Variants in SH3KBP1 observed in about 807,000 individuals in gnomAD.
The protein encoded by SH3KBP1 is SH3 domain containing kinase binding protein 1.
In SH3KBP1, 8 loss-of-function variants were observed where a neutral mutation model predicts 50.1. The ratio of observed to expected loss-of-function variants is 0.16; its 90% CI spans 0.09 to 0.29. SH3KBP1 has a LOEUF of 0.29. Ranked by LOEUF, SH3KBP1 falls within the 10% of genes least tolerant of loss-of-function variation. SH3KBP1 has a pLI of 1.00. For synonymous variants in SH3KBP1, 227 were observed against 218.6 expected, an observed-to-expected ratio of 1.04 and a Z score of -0.34; for missense variants, 377 against 535.2, an observed-to-expected ratio of 0.70 and a Z score of 2.92.
At chrX:19,565,167 T>C (rs1473409618) in intron 13 of SH3KBP1, among the ~76,000 whole-genome samples, 2 of 104,157 alleles carry the variant, frequency 1.9e-5, no homozygotes, top group African/African-American at 7.2e-5. Context: ...GTTCAAGCGA[T>C]TCTCCTGCCT....
intron 2 of SH3KBP1, among the ~76,000 whole-genome samples, chrX:19,811,129 A>C (rs746697882): frequency 8.9e-6 from 1 of 111,810 alleles, no homozygotes; most frequent in African/African-American, 3.2e-5. Flanking sequence ...CCGGGGGAGA[A>C]AAAAACTTGT....
chrX:19,841,929 C>T (rs1206294213), intron 1 of SH3KBP1, among the ~76,000 whole-genome samples: 1 of 98,222 alleles, frequency 1.0e-5, no homozygotes, highest in East Asian at 3.2e-4. Flanking sequence ...TGGGGGGGGG[C>T]TCTTTTTTTC....
intron 11 of SH3KBP1, among the ~76,000 whole-genome samples, chrX:19,591,558 G>T: frequency 9.0e-6 from 1 of 111,683 alleles, no homozygotes; most frequent in Admixed American, 9.4e-5. Flanking sequence ...CAACATCCTT[G>T]ACCAAGGACT....
intron 2 of SH3KBP1, among the ~76,000 whole-genome samples, chrX:19,804,890 C>A (rs867887895): frequency 2.9e-4 from 24 of 83,022 alleles, no homozygotes; most frequent in South Asian, 2.1e-3. Flanking sequence ...CTACCCCCCC[C>A]CCCCCACCCG....
Position 19,592,052 on chromosome X carries a change from G to C in SH3KBP1, c.1138+15C>G. ...CTGCTGTTCTGGAAGTGCCAATGAA[G>C]AATTGATTTCATACCTTTTTCTTCT... On this transcript the variant is annotated intron_variant, in intron 11 of 17. Coordinates refer to ENST00000397821, the MANE Select transcript of SH3KBP1 (RefSeq NM_031892.3). 1 of 1,174,191 alleles carries C rather than the reference G, an allele frequency of 8.5e-7. No homozygotes were observed. The highest frequency in any genetic ancestry group is 1.2e-6 in the Non-Finnish European group (1 of 861,871).
chrX:19,873,022 G>A, intron 1 of SH3KBP1, among the ~76,000 whole-genome samples: 1 of 109,128 alleles, frequency 9.2e-6, no homozygotes, highest in East Asian at 2.9e-4. Flanking sequence ...GGCCAGTCCA[G>A]TCATTTGGGC....
chrX:19,631,037 C>A (rs1224050799), intron 8 of SH3KBP1, among the ~76,000 whole-genome samples: 1 of 111,524 alleles, frequency 9.0e-6, no homozygotes, highest in Admixed American at 9.5e-5. Flanking sequence ...CGAGAGCGAG[C>A]GCAGGCAGCC....
At chrX:19,776,612 A>T (rs2065990552) in intron 2 of SH3KBP1, among the ~76,000 whole-genome samples, 1 of 88,025 alleles carries the variant, frequency 1.1e-5, no homozygotes, top group African/African-American at 4.5e-5. Context: ...CAGTGGCATG[A>T]TCATAACTCA....
chrX:19,542,522 C>T (rs1384060263), intron 15 of SH3KBP1, among the ~76,000 whole-genome samples: 9 of 112,047 alleles, frequency 8.0e-5, no homozygotes, highest in Non-Finnish European at 1.3e-4. Flanking sequence ...TAGGCATTCT[C>T]CTGGTCTCCA....
intron 1 of SH3KBP1, among the ~76,000 whole-genome samples, chrX:19,845,253 C>T (rs1022094727): frequency 8.2e-5 from 9 of 110,415 alleles, no homozygotes; most frequent in Non-Finnish European, 5.7e-5. Context: ...CCGAGGTGGG[C>T]AGATCACGAG....
At chrX:19,727,752 G>A (rs140315371) in intron 3 of SH3KBP1, among the ~76,000 whole-genome samples, 1,534 of 112,249 alleles carry the variant, frequency 0.014, 14 homozygotes, top group Middle Eastern at 0.028. Context: ...TTGGGAGGCC[G>A]AGGCAGGCAG....
At chrX:19,795,411 A>G (rs1167729616) in intron 2 of SH3KBP1, among the ~76,000 whole-genome samples, 1 of 111,297 alleles carries the variant, frequency 9.0e-6, no homozygotes, top group Non-Finnish European at 1.9e-5. Context: ...GCCGCCCTCC[A>G]TTTCAGTAAA....
At chrX:19,816,759 G>A (rs755862992) in intron 2 of SH3KBP1, among the ~76,000 whole-genome samples, 5 of 111,762 alleles carry the variant, frequency 4.5e-5, no homozygotes, top group African/African-American at 6.5e-5. Flanking sequence ...AGTGAGCTGA[G>A]ACTGTGCCAC....
intron 2 of SH3KBP1, among the ~76,000 whole-genome samples, chrX:19,825,120 A>T (rs2147357329): frequency 8.9e-6 from 1 of 112,021 alleles, no homozygotes; most frequent in South Asian, 3.7e-4. Flanking sequence ...AACTCCTAGA[A>T]AGCATAGCCT....
intron 1 of SH3KBP1, among the ~76,000 whole-genome samples, chrX:19,840,760 G>A (rs1320728598): frequency 8.9e-6 from 1 of 112,244 alleles, no homozygotes; most frequent in African/African-American, 3.2e-5. Context: ...AAAACATTAA[G>A]CTAAATAAAA....
chrX:19,663,451 T>A (rs1034869312), intron 6 of SH3KBP1, among the ~76,000 whole-genome samples: 9 of 111,494 alleles, frequency 8.1e-5, no homozygotes, highest in Admixed American at 7.6e-4. Flanking sequence ...TCTCCACTTA[T>A]AAGTTCCGGA....
intron 2 of SH3KBP1, among the ~76,000 whole-genome samples, chrX:19,804,893 C>A (rs779191332): frequency 9.2e-5 from 8 of 86,911 alleles, no homozygotes; most frequent in South Asian, 8.9e-4. Context: ...CCCCCCCCCC[C>A]CCACCCGCTG....
At chrX:19,735,736 G>T (rs1182867670) in intron 3 of SH3KBP1, among the ~76,000 whole-genome samples, 4 of 62,492 alleles carry the variant, frequency 6.4e-5, no homozygotes, top group Non-Finnish European at 8.7e-5. Context: ...GGGGGGGGGG[G>T]TGGGGGGGAC....
chrX:19,565,461 C>T (rs190281600), intron 13 of SH3KBP1, among the ~76,000 whole-genome samples: 9 of 111,656 alleles, frequency 8.1e-5, no homozygotes, highest in Non-Finnish European at 1.7e-4. Flanking sequence ...CATTACACAT[C>T]CTTCATAGGG....
Sources: allele counts gnomAD v4.1 joint callset (sites outside exome capture counted in the v4.1 genomes callset), GRCh38; gene constraint gnomAD v4.1.1; transcripts MANE v1.5; gene names NCBI Gene and HGNC (gene_info 2026-07-23, HGNC 2026-07-21).